SGMS2: variants seen among roughly 807,000 people sequenced by gnomAD.
SGMS2 encodes the protein sphingomyelin synthase 2.
Under a neutral mutation model 43.8 loss-of-function variants are expected in SGMS2, and 21 were observed. The ratio of observed to expected loss-of-function variants is 0.48; its 90% CI spans 0.34 to 0.69. The LOEUF (loss-of-function observed/expected upper bound fraction) is 0.69, where lower values mean the gene tolerates loss of function less well. SGMS2 is among the 30% of genes least tolerant of loss of function. The pLI, the probability that SGMS2 is intolerant of heterozygous loss-of-function variation, is 0.01. For missense variants in SGMS2, 384 were observed against 443.2 expected, an observed-to-expected ratio of 0.87 and a Z score of 1.20; for synonymous variants, 167 against 160.6, an observed-to-expected ratio of 1.04 and a Z score of -0.30.
At chr4:107,833,429 T>C (rs148312613) in intron 1 of SGMS2, among the ~76,000 whole-genome samples, 1 of 152,292 alleles carries the variant, frequency 6.6e-6, no homozygotes, top group Non-Finnish European at 1.5e-5. Flanking sequence ...GCTTGAACAT[T>C]CCTAGTCTGA....
chr4:107,900,890 T>C (rs1731062015), intron 4 of SGMS2, among the ~76,000 whole-genome samples: 1 of 152,160 alleles, frequency 6.6e-6, no homozygotes. Flanking sequence ...CTGTGCATAT[T>C]GAATTTAAAC....
chr4:107,886,289 T>G (rs1317729509), intron 2 of SGMS2, among the ~76,000 whole-genome samples: 1 of 150,520 alleles, frequency 6.6e-6, no homozygotes, highest in African/African-American at 2.4e-5. Context: ...AGCCTCAACC[T>G]CTTGGGCTCA....
chr4:107,832,433 C>T (rs568301510), intron 1 of SGMS2, among the ~76,000 whole-genome samples: 1 of 152,270 alleles, frequency 6.6e-6, no homozygotes, highest in Admixed American at 6.5e-5. Flanking sequence ...TCATTTACTC[C>T]TAAAATTCAC....
At chr4:107,848,127 T>G (rs1332145869) in intron 1 of SGMS2, among the ~76,000 whole-genome samples, 2 of 152,174 alleles carry the variant, frequency 1.3e-5, no homozygotes, top group Non-Finnish European at 2.9e-5. Flanking sequence ...GTCTCCATAG[T>G]TTTACATTTT....
chr4:107,884,464 T>G (rs1214010215), intron 2 of SGMS2, among the ~76,000 whole-genome samples: 2 of 150,762 alleles, frequency 1.3e-5, no homozygotes, highest in Non-Finnish European at 2.9e-5. Context: ...CAGAGACTTT[T>G]TCTTCTAAAA....
At chr4:107,828,011 A>C (rs551548992) in intron 1 of SGMS2, among the ~76,000 whole-genome samples, 1 of 152,190 alleles carries the variant, frequency 6.6e-6, no homozygotes, top group African/African-American at 2.4e-5. Context: ...AAAACAAAAA[A>C]AGATTTATTT....
intron 2 of SGMS2, among the ~76,000 whole-genome samples, chr4:107,878,422 A>G (rs2126074880): frequency 6.6e-6 from 1 of 152,262 alleles, no homozygotes; most frequent in Non-Finnish European, 1.5e-5. Flanking sequence ...TAACTTTGAG[A>G]ACCTCTCATC....
chr4:107,836,492 G>T (rs1364391173), intron 1 of SGMS2, among the ~76,000 whole-genome samples: 2 of 152,110 alleles, frequency 1.3e-5, no homozygotes, highest in African/African-American at 4.8e-5. Flanking sequence ...ATGTGCCTGG[G>T]CCTATAAATG....
chr4:107,870,905 A>G (rs934618100), intron 2 of SGMS2, among the ~76,000 whole-genome samples: 2 of 152,248 alleles, frequency 1.3e-5, no homozygotes, highest in African/African-American at 2.4e-5. Context: ...AGAGTCATCA[A>G]TGACAATTAG....
chr4:107,884,371 A>C (rs1167744492), intron 2 of SGMS2, among the ~76,000 whole-genome samples: 1 of 152,188 alleles, frequency 6.6e-6, no homozygotes, highest in Non-Finnish European at 1.5e-5. Flanking sequence ...AACCTTCTAA[A>C]AATGAGCTTT....
rs534727874 is a variant in SGMS2 at position 107,910,684 on chromosome 4, A to G, written c.*131A>G. ...TGGACCAAATTTTGTGTAAACGATTAGAAAGATGAACAAAGTATTGCCCTT... is the reference window on the plus strand; with the variant it reads ...TGGACCAAATTTTGTGTAAACGATTGGAAAGATGAACAAAGTATTGCCCTT... On this transcript the variant is annotated 3_prime_UTR_variant, in exon 7 of 7. Transcript: ENST00000690982. 2.6e-6 allele frequency: 2 copies of G among 770,290 alleles called. No individual in the cohort carries two copies. Among genetic ancestry groups the G allele is most frequent in the East Asian group, 5.4e-5 (2 of 37,148 alleles). The allele number at this position is 770,290 out of a possible 1,614,324, so 47.7% of individuals were successfully genotyped here. A position where few individuals can be genotyped will look rare whatever the true frequency, so the allele number is the denominator to read the frequency against.
In SGMS2 at chr4:107,899,946, A is replaced by G. The variant is rs187644292; in HGVS notation, c.573+254A>G. ...TTTGACTCTGCTTTTTTACCTTCTC[A>G]TTTACTTATTCATTAATGCTTTCAT... On this transcript the variant is annotated intron_variant, in intron 4 of 6. Coordinates refer to ENST00000690982, the MANE Select transcript of SGMS2 (RefSeq NM_001375905.1). Among the ~76,000 whole-genome samples the G allele has an allele frequency of 2.1e-4, 32 of 152,114 alleles. No individual in the cohort carries two copies. In the East Asian group the frequency reaches 5.8e-3, roughly 28 times the overall value.
At chr4:107,881,510 T>C (rs1729354586) in intron 2 of SGMS2, among the ~76,000 whole-genome samples, 1 of 152,046 alleles carries the variant, frequency 6.6e-6, no homozygotes, top group African/African-American at 2.4e-5. Flanking sequence ...ATTTATGGGG[T>C]ACGTGAGATA....
intron 1 of SGMS2, among the ~76,000 whole-genome samples, chr4:107,837,628 G>A (rs1183494184): frequency 4.6e-5 from 7 of 152,190 alleles, no homozygotes; most frequent in Non-Finnish European, 1.0e-4. Flanking sequence ...GACATAAGGA[G>A]AATGAGGTCT....
At chr4:107,862,696 A>G (rs947667941) in intron 2 of SGMS2, among the ~76,000 whole-genome samples, 1 of 152,206 alleles carries the variant, frequency 6.6e-6, no homozygotes, top group Non-Finnish European at 1.5e-5. Context: ...GGGAAAGAAC[A>G]CTGTCAAGTT....
In SGMS2 at chr4:107,868,591, G is replaced by A. The variant is rs536093679; in HGVS notation, c.-245+10038G>A. On this transcript the variant is annotated intron_variant, in intron 2 of 6. Coordinates refer to ENST00000690982, the MANE Select transcript of SGMS2 (RefSeq NM_001375905.1). ...AAATCAGCTGGGCGTTGTGGTGGGC[G>A]CCTGTAATCCTAGCTACTCGGGAGG... Among the ~76,000 whole-genome samples the A allele has an allele frequency of 6.6e-5, 10 of 152,150 alleles. No homozygotes were observed. In the South Asian group the frequency reaches 1.7e-3, roughly 25 times the overall value.
chr4:107,909,302 G>T (rs1731904257), intron 6 of SGMS2, among the ~76,000 whole-genome samples: 1 of 151,906 alleles, frequency 6.6e-6, no homozygotes, highest in Admixed American at 6.6e-5. Flanking sequence ...GTAGAGACAG[G>T]GTTTCACCAT....
chr4:107,897,237 T>C (rs530036673), intron 3 of SGMS2, among the ~76,000 whole-genome samples: 1 of 152,348 alleles, frequency 6.6e-6, no homozygotes, highest in East Asian at 1.9e-4. Context: ...CAAACTGCAG[T>C]CATTCCTAAG....
In SGMS2 at chr4:107,846,911, C is replaced by A. The variant is rs1363039031; in HGVS notation, c.-326-11561C>A. On this transcript the variant is annotated intron_variant, in intron 1 of 6. Transcript: ENST00000690982. ...TGTCTTTTGGCTGCATAAATGTCTT[C>A]TTTTGAGAAGTGTCTGTTCATATCC... Among the ~76,000 whole-genome samples the A allele has an allele frequency of 2.0e-5, 3 of 151,942 alleles. No individual in the cohort carries two copies. The East Asian group carries it at 5.8e-4, about 29-fold the overall frequency.
Sources: allele counts gnomAD v4.1 joint callset (sites outside exome capture counted in the v4.1 genomes callset), GRCh38; gene constraint gnomAD v4.1.1; transcripts MANE v1.5; gene names NCBI Gene and HGNC (gene_info 2026-07-23, HGNC 2026-07-21).